Variants in IL1RAPL2 observed in about 807,000 individuals in gnomAD.
IL1RAPL2 encodes X-linked interleukin-1 receptor accessory protein-like 2.
In IL1RAPL2, 3 loss-of-function variants were observed where a neutral mutation model predicts 44.1. That is an observed-to-expected ratio of 0.07 (90% confidence interval 0.03 to 0.18). IL1RAPL2 has a LOEUF of 0.18. IL1RAPL2 is among the 10% of genes least tolerant of loss of function. The probability of loss-of-function intolerance (pLI) is 1.00; values close to 1 mark genes in which losing one functional copy is unlikely to be tolerated. For synonymous variants in IL1RAPL2, 181 were observed against 178.8 expected, an observed-to-expected ratio of 1.01 and a Z score of -0.10; for missense variants, 391 against 496.4, an observed-to-expected ratio of 0.79 and a Z score of 2.02.
rs768603088 is a variant in IL1RAPL2 at position 105,506,669 on chromosome X, T to G, written c.772+22282T>G. ...AAAAGGAGGAGATAAATGCATATAA[T>G]GGTTGTTGGCAATTTTTGGAAACAA... is the stretch of plus-strand genomic sequence containing the variant. On this transcript the variant is annotated intron_variant, in intron 6 of 10. Transcript: ENST00000372582. Among the ~76,000 whole-genome samples the G allele has an allele frequency of 9.9e-5, 11 of 111,666 alleles. No individual in the cohort carries two copies. The Admixed American group carries it at 1.0e-3, about 11-fold the overall frequency.
chrX:104,614,789 T>G (rs1453232000), intron 1 of IL1RAPL2, among the ~76,000 whole-genome samples: 4 of 112,172 alleles, frequency 3.6e-5, no homozygotes, highest in African/African-American at 1.3e-4. Flanking sequence ...AAATTCTGTT[T>G]TATCTGACAT....
At chrX:104,807,131 G>A (rs1475700807) in intron 2 of IL1RAPL2, among the ~76,000 whole-genome samples, 1 of 111,118 alleles carries the variant, frequency 9.0e-6, no homozygotes, top group East Asian at 2.8e-4. Flanking sequence ...GGGGTATGCA[G>A]CTGTGGGTGA....
chrX:104,647,554 C>T lies in IL1RAPL2; in HGVS notation c.-19-11341C>T, dbSNP rs769956919. On this transcript the variant is annotated intron_variant, in intron 1 of 10. Coordinates refer to ENST00000372582, the MANE Select transcript of IL1RAPL2 (RefSeq NM_017416.2). ...CTCACTCCGTAAGATTGTCACTCAC[C>T]TGCCTGGAGAGCAGCTCTCTCTGGG... The T allele has an allele frequency of 7.0e-5, 36 of 513,871 alleles. No homozygotes were observed. In the African/African-American group the frequency reaches 7.4e-4, roughly 11 times the overall value. 42.3% of individuals were successfully genotyped at this position (513,871 alleles called of 1,213,427 possible).
In IL1RAPL2 at chrX:104,940,601, T is replaced by C. The variant is rs181652423; in HGVS notation, c.83-254874T>C. Among the ~76,000 whole-genome samples the C allele has an allele frequency of 9.0e-5, 10 of 111,370 alleles. No individual in the cohort carries two copies. The East Asian group carries it at 2.8e-3, about 31-fold the overall frequency. On this transcript the variant is annotated intron_variant, in intron 2 of 10. Transcript: ENST00000372582. ...GGGTTTATTGTGGCTCTCGTCTCAC[T>C]GGACCTTTAATCTTGGTTTCCTTCT... is the stretch of plus-strand genomic sequence containing the variant.
At chrX:104,799,353 T>C (rs1179259251) in intron 2 of IL1RAPL2, among the ~76,000 whole-genome samples, 2 of 111,883 alleles carry the variant, frequency 1.8e-5, no homozygotes, top group East Asian at 5.6e-4. Context: ...GTTTGATGGT[T>C]CTCCAATGAG....
chrX:105,247,603 A>ATATATGTG (rs996281661), intron 4 of IL1RAPL2, among the ~76,000 whole-genome samples: 46 of 95,054 alleles, frequency 4.8e-4, no homozygotes, highest in African/African-American at 1.7e-3. Context: ...ATATATATAT[A>ATATATGTG]TGTGTGTGTG....
At chrX:104,974,715 C>A (rs188131568) in intron 2 of IL1RAPL2, among the ~76,000 whole-genome samples, 1 of 112,299 alleles carries the variant, frequency 8.9e-6, no homozygotes, top group East Asian at 2.8e-4. Flanking sequence ...GAAAAATGTT[C>A]AAGCGGCTGC....
intron 3 of IL1RAPL2, among the ~76,000 whole-genome samples, chrX:105,211,948 C>T (rs1322432171): frequency 2.7e-5 from 3 of 112,166 alleles, no homozygotes; most frequent in Non-Finnish European, 5.6e-5. Context: ...CTACGCTTTT[C>T]CCACAGTTTT....
intron 4 of IL1RAPL2, among the ~76,000 whole-genome samples, chrX:105,265,477 G>C (rs986468): frequency 0.016 from 1,799 of 111,499 alleles, 17 homozygotes; most frequent in South Asian, 0.13. Flanking sequence ...GCAAATCTCA[G>C]ATAGGTGATA....
intron 6 of IL1RAPL2, among the ~76,000 whole-genome samples, chrX:105,585,735 T>C (rs1368083258): frequency 0.022 from 4 of 179 alleles, no homozygotes; most frequent in Non-Finnish European, 0.042. Context: ...ATGGTGTATA[T>C]GTTACCACAT....
intron 2 of IL1RAPL2, among the ~76,000 whole-genome samples, chrX:104,787,201 A>T (rs1288311839): frequency 9.0e-6 from 1 of 111,367 alleles, no homozygotes; most frequent in African/African-American, 3.3e-5. Context: ...GGAAACTAAT[A>T]GATAAATGGA....
chrX:105,374,529 C>T (rs1018549550), intron 5 of IL1RAPL2, among the ~76,000 whole-genome samples: 2 of 110,454 alleles, frequency 1.8e-5, no homozygotes, highest in Admixed American at 1.9e-4. Context: ...TAGTATTTTG[C>T]AGTTCTCATT....
chrX:104,984,854 T>C (rs2030530337), intron 2 of IL1RAPL2, among the ~76,000 whole-genome samples: 1 of 111,450 alleles, frequency 9.0e-6, no homozygotes, highest in Non-Finnish European at 1.9e-5. Context: ...AAGAAGAAAA[T>C]GACTAAAACT....
intron 6 of IL1RAPL2, among the ~76,000 whole-genome samples, chrX:105,543,264 G>A (rs1301471882): frequency 2.7e-5 from 3 of 111,754 alleles, no homozygotes; most frequent in South Asian, 3.7e-4. Flanking sequence ...CATACTGTAT[G>A]GCCCAGCCCT....
intron 9 of IL1RAPL2, among the ~76,000 whole-genome samples, chrX:105,753,536 G>A (rs1296989849): frequency 1.8e-5 from 2 of 111,617 alleles, no homozygotes; most frequent in African/African-American, 6.5e-5. Context: ...TCAGGGGCCT[G>A]CAGGTGTATC....
At chrX:105,573,286 T>C (rs776779284) in intron 6 of IL1RAPL2, among the ~76,000 whole-genome samples, 1 of 111,189 alleles carries the variant, frequency 9.0e-6, no homozygotes, top group East Asian at 2.9e-4. Context: ...TTCAAATTCC[T>C]GGGCTCAAGT....
At chrX:104,949,802 G>C (rs1326118525) in intron 2 of IL1RAPL2, among the ~76,000 whole-genome samples, 1 of 111,294 alleles carries the variant, frequency 9.0e-6, no homozygotes, top group African/African-American at 3.3e-5. Context: ...TATAATTTCT[G>C]TTCTTTTACA....
At chrX:105,010,974 G>T (rs1188077572) in intron 2 of IL1RAPL2, among the ~76,000 whole-genome samples, 1 of 111,038 alleles carries the variant, frequency 9.0e-6, no homozygotes, top group Middle Eastern at 4.2e-3. Context: ...AGGATGGGTG[G>T]AGAGGGGACA....
intron 6 of IL1RAPL2, among the ~76,000 whole-genome samples, chrX:105,690,691 T>A (rs1471154732): frequency 3.6e-5 from 4 of 112,304 alleles, no homozygotes; most frequent in Admixed American, 2.8e-4. Flanking sequence ...TCAATTTCCT[T>A]ATTTTCTGAG....
Sources: allele counts gnomAD v4.1 joint callset (sites outside exome capture counted in the v4.1 genomes callset), GRCh38; gene constraint gnomAD v4.1.1; transcripts MANE v1.5; gene names NCBI Gene and HGNC (gene_info 2026-07-23, HGNC 2026-07-21).